The following MB21D2 variants were observed in gnomAD, a reference collection of about 807,000 sequenced individuals.
MB21D2 encodes Mab-21 domain containing 2.
Under a neutral mutation model 33.3 loss-of-function variants are expected in MB21D2, and 9 were observed. The observed-to-expected ratio is 0.27, with a 90% CI of 0.16 to 0.47. The LOEUF (loss-of-function observed/expected upper bound fraction) is 0.47, where lower values mean the gene tolerates loss of function less well. MB21D2 is among the 20% of genes least tolerant of loss of function. MB21D2 has a pLI of 0.99. For synonymous variants in MB21D2, 241 were observed against 236.3 expected (o/e 1.02, Z -0.18); for missense variants, 540 against 624.6 (o/e 0.86, Z 1.44).
intron 1 of MB21D2, among the ~76,000 whole-genome samples, chr3:192,822,839 A>G (rs528336222): frequency 6.6e-6 from 1 of 152,306 alleles, no homozygotes; most frequent in East Asian, 1.9e-4. Context: ...TAGAACTAAG[A>G]TAATTAGGGC....
At chr3:192,874,756 CAG>C (rs1363314968) in intron 1 of MB21D2, among the ~76,000 whole-genome samples, 2 of 152,152 alleles carry the variant, frequency 1.3e-5, no homozygotes, top group Admixed American at 1.3e-4. Context: ...AGCAGAAAAA[CAG>C]AGAAAGATTT....
At position 192,798,720 on chromosome 3, in the gene MB21D2, T is replaced by A. The variant is rs1204496809; in HGVS notation, c.1142A>T (p.Gln381Leu). Reference protein sequence around the residue: ...NKMCPNYFIPQCNMLEHLSEE... With the variant: ...NKMCPNYFIPLCNMLEHLSEE... ...AGACAGATGTTCCAGCATGTTGCAC[T>A]GAGGGATGAAATAATTGGGGCACAT... The change falls in exon 2 of 2, where the codon CAG becomes CTG. Residue 381 changes from glutamine to leucine, a missense_variant. Transcript: ENST00000392452. This position sits in a 1 kb window ranked among gnomAD's most constrained non-coding sequence, Gnocchi z 4.8. 7 of 1,613,426 alleles carry A rather than the reference T, an allele frequency of 4.3e-6. No individual in the cohort carries two copies. The highest frequency in any genetic ancestry group is 3.4e-6 in the Non-Finnish European group (4 of 1,180,024).
chr3:192,909,438 G>A (rs1253232247), intron 1 of MB21D2, among the ~76,000 whole-genome samples: 1 of 152,060 alleles, frequency 6.6e-6, no homozygotes, highest in Non-Finnish European at 1.5e-5. Context: ...ACTGTAATGT[G>A]AAATAAAAAT....
chr3:192,850,607 C>T (rs765308826), intron 1 of MB21D2, among the ~76,000 whole-genome samples: 4 of 152,222 alleles, frequency 2.6e-5, no homozygotes, highest in Non-Finnish European at 5.9e-5. Flanking sequence ...TACACATACA[C>T]GTCTGAAAAC....
chr3:192,804,253 T>G (rs1037129021), intron 1 of MB21D2, among the ~76,000 whole-genome samples: 1 of 152,152 alleles, frequency 6.6e-6, no homozygotes, highest in Non-Finnish European at 1.5e-5. Flanking sequence ...ACTGCAAACC[T>G]TCATCATGCA....
intron 1 of MB21D2, among the ~76,000 whole-genome samples, chr3:192,887,054 C>T (rs1713747996): frequency 1.3e-5 from 2 of 152,060 alleles, no homozygotes; most frequent in Admixed American, 1.3e-4. Context: ...AACAGGGCTA[C>T]CAATTCATTT....
chr3:192,808,074 C>T (rs958118004), intron 1 of MB21D2, among the ~76,000 whole-genome samples: 3 of 152,138 alleles, frequency 2.0e-5, no homozygotes, highest in African/African-American at 7.2e-5. Flanking sequence ...GAAAAGAAGG[C>T]TCTGGGCATT....
chr3:192,908,226 T>C (rs1714253823), intron 1 of MB21D2, among the ~76,000 whole-genome samples: 1 of 152,074 alleles, frequency 6.6e-6, no homozygotes, highest in African/African-American at 2.4e-5. Flanking sequence ...AGAGCTCTTT[T>C]AAAGAGTGAC....
At chr3:192,857,342 C>T (rs1379866327) in intron 1 of MB21D2, among the ~76,000 whole-genome samples, 13 of 152,154 alleles carry the variant, frequency 8.5e-5, no homozygotes, top group Admixed American at 8.5e-4. Flanking sequence ...AATGAACCTG[C>T]CAATTCCATG....
In MB21D2 at chr3:192,861,661, G is replaced by A. The variant is rs568088529; in HGVS notation, c.211+55969C>T. ...GTCTCTACTAAATACGAAATTAGCC[G>A]GGCGTGGTGGCGCATGCCTGTAATC... is the stretch of plus-strand genomic sequence containing the variant. On this transcript the variant is annotated intron_variant, in intron 1 of 1. Coordinates refer to ENST00000392452, the MANE Select transcript of MB21D2 (RefSeq NM_178496.4). Among the ~76,000 whole-genome samples, 22 of 152,182 alleles carry A rather than the reference G, an allele frequency of 1.4e-4. No homozygotes were observed. In the East Asian group the frequency reaches 2.9e-3, roughly 20 times the overall value.
intron 1 of MB21D2, among the ~76,000 whole-genome samples, chr3:192,911,510 G>A (rs1714349987): frequency 6.6e-6 from 1 of 152,202 alleles, no homozygotes; most frequent in Admixed American, 6.5e-5. Flanking sequence ...GCCTAACACA[G>A]GACAGGATGT....
rs377146558 is a variant in MB21D2 at position 192,805,839 on chromosome 3, T to C, written c.212-6189A>G. ...GTAGATATTTAGCTCATGTTCCCCATATGTTCTTCCCTTTTCCTACCACAC... is the reference window on the plus strand; with the variant it reads ...GTAGATATTTAGCTCATGTTCCCCACATGTTCTTCCCTTTTCCTACCACAC... On this transcript the variant is annotated intron_variant, in intron 1 of 1. Coordinates refer to ENST00000392452, the MANE Select transcript of MB21D2 (RefSeq NM_178496.4). 5.9e-5 allele frequency among the ~76,000 whole-genome samples: 9 copies of C among 152,336 alleles called. No homozygotes were observed. In the East Asian group the frequency reaches 1.7e-3, roughly 29 times the overall value.
At chr3:192,822,573 C>A (rs964582066) in intron 1 of MB21D2, among the ~76,000 whole-genome samples, 2 of 152,208 alleles carry the variant, frequency 1.3e-5, no homozygotes, top group Non-Finnish European at 2.9e-5. Context: ...AGCATGAAGG[C>A]CAAAACTTAG....
At chr3:192,862,756 C>T (rs144429949) in intron 1 of MB21D2, among the ~76,000 whole-genome samples, 15 of 152,280 alleles carry the variant, frequency 9.9e-5, no homozygotes, top group East Asian at 3.9e-4. Context: ...ATGGCTGCTG[C>T]GGTCCATTTG....
intron 1 of MB21D2, among the ~76,000 whole-genome samples, chr3:192,900,913 C>A (rs375805545): frequency 5.3e-5 from 8 of 151,328 alleles, no homozygotes; most frequent in African/African-American, 1.5e-4. Context: ...TGCACTCCAG[C>A]CTGGGTGACA....
chr3:192,898,353 C>T (rs988639959), intron 1 of MB21D2, among the ~76,000 whole-genome samples: 31 of 151,768 alleles, frequency 2.0e-4, no homozygotes, highest in Non-Finnish European at 5.9e-5. Context: ...CTATCTCATA[C>T]TTTTCTTAAT....
At chr3:192,910,984 G>T (rs1222450478) in intron 1 of MB21D2, among the ~76,000 whole-genome samples, 1 of 152,172 alleles carries the variant, frequency 6.6e-6, no homozygotes, top group Non-Finnish European at 1.5e-5. Flanking sequence ...TACATATAAT[G>T]ATTAAGCCCA....
chr3:192,862,348 G>A (rs1300443347), intron 1 of MB21D2, among the ~76,000 whole-genome samples: 1 of 152,192 alleles, frequency 6.6e-6, no homozygotes, highest in Non-Finnish European at 1.5e-5. Context: ...TGAAACATAA[G>A]TAGGATTGTA....
intron 1 of MB21D2, among the ~76,000 whole-genome samples, chr3:192,883,036 T>C (rs912215094): frequency 3.3e-5 from 5 of 151,020 alleles, no homozygotes; most frequent in African/African-American, 1.2e-4. Flanking sequence ...CCCGGCTAAT[T>C]TTTGTATTTT....
Sources: gnomAD v4.1 joint callset for allele counts (sites outside exome capture counted in the v4.1 genomes callset) on GRCh38, gnomAD v4.1.1 for gene constraint, Gnocchi (gnomAD v3.1) non-coding constraint, MANE v1.5 for transcripts, NCBI Gene and HGNC (gene_info 2026-07-23, HGNC 2026-07-21) for gene names.